The following NBAS variants were observed in gnomAD, a reference collection of about 807,000 sequenced individuals.
NBAS encodes NAG/BC035112 fusion.
In NBAS, 219 loss-of-function variants were observed where a neutral mutation model predicts 302.5. That is an observed-to-expected ratio of 0.72 (90% CI 0.65 to 0.81). The LOEUF is 0.81. NBAS is among the 30% of genes least tolerant of loss of function. The pLI, the probability that NBAS is intolerant of heterozygous loss-of-function variation, is 0.00. For missense variants in NBAS, 2,932 were observed against 2,841.6 expected (o/e 1.03, Z -0.72); for synonymous variants, 1,118 against 1,021.6 (o/e 1.09, Z -1.80).
At chr2:15,202,075 T>G (rs1190814519) in intron 48 of NBAS, among the ~76,000 whole-genome samples, 1 of 152,182 alleles carries the variant, frequency 6.6e-6, no homozygotes, top group Non-Finnish European at 1.5e-5. Context: ...ATAAATGGTT[T>G]TCAATTGCCA....
the NBAS span, among the ~76,000 whole-genome samples, chr2:14,782,042 G>A: frequency 6.6e-6 from 1 of 152,096 alleles, no homozygotes; most frequent in African/African-American, 2.4e-5. Context: ...ACTGAAGCCT[G>A]CCTTCCACTA....
At chr2:15,171,868 C>T (rs1306706457) in intron 51 of NBAS, among the ~76,000 whole-genome samples, 3 of 152,312 alleles carry the variant, frequency 2.0e-5, no homozygotes, top group Non-Finnish European at 2.9e-5. Context: ...AGGCGGCCGT[C>T]GACACGCCAA....
chr2:14,943,205 C>T, the NBAS span, among the ~76,000 whole-genome samples: 79 of 152,302 alleles, frequency 5.2e-4, no homozygotes, highest in Non-Finnish European at 8.4e-4. Flanking sequence ...CTCACCAAAA[C>T]CTTCAGAATG....
chr2:14,895,602 G>A, the NBAS span, among the ~76,000 whole-genome samples: 1 of 152,130 alleles, frequency 6.6e-6, no homozygotes, highest in African/African-American at 2.4e-5. Flanking sequence ...AGCCGGGTGT[G>A]GTAGCGGGCG....
the NBAS span, among the ~76,000 whole-genome samples, chr2:14,804,123 A>G: frequency 6.6e-6 from 1 of 152,224 alleles, no homozygotes; most frequent in East Asian, 1.9e-4. Context: ...TACTTGTGAC[A>G]TCTTTGCAGA....
chr2:15,244,086 G>A (rs1188142316), intron 44 of NBAS, among the ~76,000 whole-genome samples: 4 of 151,532 alleles, frequency 2.6e-5, no homozygotes, highest in African/African-American at 4.9e-5. Context: ...GAGAGAGAAC[G>A]TACAGGGGTG....
the NBAS span, among the ~76,000 whole-genome samples, chr2:15,108,601 C>CAAGGTT: frequency 1.3e-5 from 2 of 152,048 alleles, no homozygotes; most frequent in Non-Finnish European, 2.9e-5. Flanking sequence ...GAGAGGGAGG[C>CAAGGTT]AAGGCACCTG....
chr2:15,509,394 C>A (rs572531090), intron 10 of NBAS, among the ~76,000 whole-genome samples: 2 of 152,038 alleles, frequency 1.3e-5, no homozygotes, highest in East Asian at 3.9e-4. Flanking sequence ...GGTAGATGGA[C>A]AATAAATGGA....
At chr2:14,836,815 T>C in the NBAS span, among the ~76,000 whole-genome samples, 2 of 151,860 alleles carry the variant, frequency 1.3e-5, no homozygotes, top group Non-Finnish European at 3.0e-5. Context: ...TTCTAATTCA[T>C]GGACATGGAG....
chr2:15,446,353 A>G (rs181146624), intron 21 of NBAS, among the ~76,000 whole-genome samples: 121 of 152,354 alleles, frequency 7.9e-4, no homozygotes, highest in African/African-American at 2.8e-3. Context: ...AAAGAATGAC[A>G]GCAGACTTCT....
chr2:15,362,375 G>C (rs1423325422), intron 32 of NBAS, among the ~76,000 whole-genome samples: 2 of 147,020 alleles, frequency 1.4e-5, no homozygotes, highest in Non-Finnish European at 3.0e-5. Context: ...GGGCATGGTG[G>C]TACATGCCTG....
At chr2:15,075,747 C>A in the NBAS span, among the ~76,000 whole-genome samples, 3 of 145,770 alleles carry the variant, frequency 2.1e-5, no homozygotes, top group African/African-American at 5.2e-5. Flanking sequence ...TTATGTGATC[C>A]CCCCAAAATT....
At chr2:15,543,754 TC>T (rs1663968956) in intron 6 of NBAS, among the ~76,000 whole-genome samples, 1 of 152,160 alleles carries the variant, frequency 6.6e-6, no homozygotes, top group African/African-American at 2.4e-5. Context: ...TCCTACTGGG[TC>T]CCTCCCGCAA....
chr2:15,260,583 A>G (rs1381575762), intron 44 of NBAS, among the ~76,000 whole-genome samples: 1 of 152,150 alleles, frequency 6.6e-6, no homozygotes, highest in African/African-American at 2.4e-5. Context: ...TGGTCACTGC[A>G]AGAGTCTGGA....
chr2:15,022,216 C>G, the NBAS span, among the ~76,000 whole-genome samples: 2 of 152,180 alleles, frequency 1.3e-5, no homozygotes, highest in African/African-American at 4.8e-5. Flanking sequence ...CTTCCCCATT[C>G]AGGTGCTATG....
chr2:14,815,883 C>T, the NBAS span, among the ~76,000 whole-genome samples: 262 of 152,244 alleles, frequency 1.7e-3, no homozygotes, highest in African/African-American at 6.1e-3. Flanking sequence ...ATCACTGAGG[C>T]CTGCTAAATT....
intron 21 of NBAS, among the ~76,000 whole-genome samples, chr2:15,436,908 G>A (rs1158825486): frequency 1.3e-5 from 2 of 152,178 alleles, no homozygotes; most frequent in Non-Finnish European, 2.9e-5. Context: ...TAGATGGATA[G>A]ATAGACAGGA....
the NBAS span, among the ~76,000 whole-genome samples, chr2:15,064,473 T>A: frequency 6.6e-6 from 1 of 151,988 alleles, no homozygotes; most frequent in South Asian, 2.1e-4. Context: ...TATAAAGAAA[T>A]AAATTGACCA....
chr2:14,850,972 A>G, the NBAS span, among the ~76,000 whole-genome samples: 2 of 136,278 alleles, frequency 1.5e-5, no homozygotes, highest in Non-Finnish European at 3.1e-5. Context: ...CCACAAGAGA[A>G]AGCAGGAAAG....
Sources: gnomAD v4.1 joint callset for allele counts (sites outside exome capture counted in the v4.1 genomes callset) on GRCh38, gnomAD v4.1.1 for gene constraint, MANE v1.5 for transcripts, NCBI Gene and HGNC (gene_info 2026-07-23, HGNC 2026-07-21) for gene names.